Variants in ACBD6 observed in about 807,000 individuals in gnomAD.
ACBD6 encodes the protein acyl-CoA binding domain containing 6.
In ACBD6, 28 loss-of-function variants were observed where a neutral mutation model predicts 37.2. The observed-to-expected ratio is 0.75, with a 90% confidence interval of 0.56 to 1.03. The LOEUF (loss-of-function observed/expected upper bound fraction) is 1.03. ACBD6 is among the 50% of genes least tolerant of loss of function. The probability of loss-of-function intolerance (pLI) is 0.00; values close to 1 mark genes in which losing one functional copy is unlikely to be tolerated. For synonymous variants in ACBD6, 113 were observed against 126.8 expected, an observed-to-expected ratio of 0.89 and a Z score of 0.73; for missense variants, 340 against 337.4, an observed-to-expected ratio of 1.01 and a Z score of -0.06.
At chr1:180,480,082 G>A (rs1650966181) in intron 3 of ACBD6, among the ~76,000 whole-genome samples, 1 of 152,082 alleles carries the variant, frequency 6.6e-6, no homozygotes, top group African/African-American at 2.4e-5. Context: ...ATAAAAGGTG[G>A]GACTCAAATG....
chr1:180,296,532 C>T (rs10913962), intron 7 of ACBD6, among the ~76,000 whole-genome samples: 4,717 of 152,164 alleles, frequency 0.031, 388 homozygotes, highest in East Asian at 0.29. Context: ...TGGGCTCAAG[C>T]GATTCTCGTA....
At chr1:180,343,888 A>T (rs1012231928) in intron 6 of ACBD6, among the ~76,000 whole-genome samples, 7 of 152,138 alleles carry the variant, frequency 4.6e-5, no homozygotes, top group African/African-American at 1.7e-4. Flanking sequence ...GGGTGACAGA[A>T]AGACACCCTA....
intron 4 of ACBD6, among the ~76,000 whole-genome samples, chr1:180,414,455 A>G (rs1647993318): frequency 6.6e-6 from 1 of 152,234 alleles, no homozygotes; most frequent in South Asian, 2.1e-4. Context: ...TCATACAGAA[A>G]GTTATTTCCA....
intron 6 of ACBD6, among the ~76,000 whole-genome samples, chr1:180,359,282 C>T (rs368068904): frequency 1.3e-4 from 20 of 152,162 alleles, no homozygotes; most frequent in African/African-American, 3.4e-4. Flanking sequence ...ACAAATTCAA[C>T]GTATATTTTT....
chr1:180,418,340 G>A (rs569776167), intron 4 of ACBD6, among the ~76,000 whole-genome samples: 1 of 152,276 alleles, frequency 6.6e-6, no homozygotes, highest in South Asian at 2.1e-4. Flanking sequence ...CACTTTGGGA[G>A]GTCAAGGAGG....
intron 3 of ACBD6, among the ~76,000 whole-genome samples, chr1:180,454,277 G>A (rs1342969503): frequency 6.6e-6 from 1 of 152,104 alleles, no homozygotes; most frequent in Non-Finnish European, 1.5e-5. Flanking sequence ...AATGGGGAAA[G>A]GATTCCCTAT....
rs78608754 is a variant in ACBD6 at position 180,293,156 on chromosome 1, A to C, written c.695-4639T>G. Among the ~76,000 whole-genome samples, 43 of 152,308 alleles carry C rather than the reference A, an allele frequency of 2.8e-4. No individual in the cohort carries two copies. In the East Asian group the frequency reaches 7.3e-3, roughly 26 times the overall value. On this transcript the variant is annotated intron_variant, in intron 7 of 7. Transcript: ENST00000367595. ...ATTAAACATTTTTGCATCTATGTTC[A>C]TAAGGAATACTGGCCTGTTGTTTTC...
chr1:180,434,137 G>C lies in ACBD6; in HGVS notation c.385-3875C>G, dbSNP rs140969038. On this transcript the variant is annotated intron_variant, in intron 3 of 7. Coordinates refer to ENST00000367595, the MANE Select transcript of ACBD6 (RefSeq NM_032360.4). ...GTTCAGGCCATGATGGGAAGTCGGG[G>C]TCTGGACATGCCTCATTATACTTTC... Among the ~76,000 whole-genome samples the C allele has an allele frequency of 7.0e-3, 1,066 of 152,258 alleles. 15 individuals are homozygous for C. The highest frequency in any genetic ancestry group is 0.025 in the African/African-American group (1,029 of 41,534).
chr1:180,475,799 C>T (rs766990585), intron 3 of ACBD6, among the ~76,000 whole-genome samples: 6 of 151,990 alleles, frequency 3.9e-5, no homozygotes, highest in African/African-American at 9.7e-5. Flanking sequence ...ATAAATAAAG[C>T]GACTATGAAC....
chr1:180,431,683 C>T (rs780206285), intron 3 of ACBD6, among the ~76,000 whole-genome samples: 47 of 151,844 alleles, frequency 3.1e-4, no homozygotes, highest in Admixed American at 2.0e-3. Context: ...AATACATGTT[C>T]CATTGATAGG....
At chr1:180,447,886 A>G (rs1306981791) in intron 3 of ACBD6, among the ~76,000 whole-genome samples, 1 of 152,114 alleles carries the variant, frequency 6.6e-6, no homozygotes, top group African/African-American at 2.4e-5. Context: ...ATGTATCCAA[A>G]TGATCTCATG....
intron 7 of ACBD6, among the ~76,000 whole-genome samples, chr1:180,312,655 TTAA>T (rs1347602687): frequency 6.6e-6 from 1 of 152,246 alleles, no homozygotes; most frequent in Non-Finnish European, 1.5e-5. Context: ...CATTCCATCT[TTAA>T]TAATAATGTT....
chr1:180,278,813 T>C (rs1649199648), intron 9 of ACBD6: 1 of 151,308 alleles, frequency 6.6e-6, no homozygotes, highest in South Asian at 2.1e-4. Flanking sequence ...GAAGTCTCGT[T>C]TCCTGGGGAA....
chr1:180,293,393 T>C (rs1350138124), intron 7 of ACBD6, among the ~76,000 whole-genome samples: 4 of 150,616 alleles, frequency 2.7e-5, no homozygotes, highest in African/African-American at 9.8e-5. Context: ...CTGCAACCTC[T>C]ACCTCCTGGG....
intron 3 of ACBD6, among the ~76,000 whole-genome samples, chr1:180,487,092 G>A (rs187920582): frequency 6.6e-6 from 1 of 152,212 alleles, no homozygotes; most frequent in East Asian, 1.9e-4. Context: ...TACGATGCAT[G>A]ACCCTGCGTT....
intron 5 of ACBD6, among the ~76,000 whole-genome samples, chr1:180,407,476 A>C (rs1365689074): frequency 9.2e-5 from 14 of 152,182 alleles, no homozygotes; most frequent in Admixed American, 7.9e-4. Context: ...TTCCACCCCT[A>C]TCACTGTTGT....
chr1:180,295,879 A>G (rs1339844562), intron 7 of ACBD6, among the ~76,000 whole-genome samples: 1 of 152,144 alleles, frequency 6.6e-6, no homozygotes, highest in African/African-American at 2.4e-5. Context: ...ATAATCCTAC[A>G]ATGAACTCCA....
At chr1:180,445,633 C>T (rs1375865968) in intron 3 of ACBD6, among the ~76,000 whole-genome samples, 1 of 152,012 alleles carries the variant, frequency 6.6e-6, no homozygotes, top group Non-Finnish European at 1.5e-5. Flanking sequence ...TAAATGTCTG[C>T]CTTAGATTTG....
chr1:180,495,740 A>C (rs549730908), intron 1 of ACBD6, among the ~76,000 whole-genome samples: 17 of 152,328 alleles, frequency 1.1e-4, no homozygotes, highest in African/African-American at 3.8e-4. Context: ...TACTGCATAA[A>C]ACAACTATTA....
Sources: gnomAD v4.1 joint callset for allele counts (sites outside exome capture counted in the v4.1 genomes callset) on GRCh38, gnomAD v4.1.1 for gene constraint, MANE v1.5 for transcripts, NCBI Gene and HGNC (gene_info 2026-07-23, HGNC 2026-07-21) for gene names.